CCDC149: variants seen among roughly 807,000 people sequenced by gnomAD.
CCDC149 encodes the protein coiled-coil domain-containing protein 149.
A neutral mutation model predicts 59.9 loss-of-function variants in CCDC149; 45 were observed. That is an observed-to-expected ratio of 0.75 (90% CI 0.59 to 0.96). The LOEUF (loss-of-function observed/expected upper bound fraction) is 0.96, where lower values mean the gene tolerates loss of function less well. Ranked by LOEUF, CCDC149 falls within the 40% of genes least tolerant of loss-of-function variation. The probability of loss-of-function intolerance (pLI) is 0.00; values close to 1 mark genes in which losing one functional copy is unlikely to be tolerated. For synonymous variants in CCDC149, 245 were observed against 260.6 expected (o/e 0.94, Z 0.58); for missense variants, 584 against 664.7 (o/e 0.88, Z 1.33).
chr4:24,818,560 C>T (rs1715160726), intron 12 of CCDC149, among the ~76,000 whole-genome samples: 11 of 152,208 alleles, frequency 7.2e-5, no homozygotes. Flanking sequence ...CTAACGGTCT[C>T]TCATGAGGCG....
At chr4:24,849,157 G>A (rs755246700) in intron 4 of CCDC149, among the ~76,000 whole-genome samples, 2 of 151,918 alleles carry the variant, frequency 1.3e-5, no homozygotes, top group African/African-American at 2.4e-5. Flanking sequence ...CAACCTCTGC[G>A]GCAGACCAAG....
At chr4:24,967,288 G>C (rs1431495510) in intron 1 of CCDC149, among the ~76,000 whole-genome samples, 1 of 152,172 alleles carries the variant, frequency 6.6e-6, no homozygotes. Flanking sequence ...GGTATACAGA[G>C]ATAACTGAGA....
At chr4:24,875,264 A>G (rs1247998375) in intron 2 of CCDC149, among the ~76,000 whole-genome samples, 1 of 151,534 alleles carries the variant, frequency 6.6e-6, no homozygotes, top group Non-Finnish European at 1.5e-5. Flanking sequence ...TGGGAGGCGG[A>G]GCTTGCAGTG....
intron 9 of CCDC149, among the ~76,000 whole-genome samples, chr4:24,826,149 C>T (rs549524509): frequency 8.6e-5 from 13 of 151,644 alleles, no homozygotes; most frequent in Admixed American, 4.6e-4. Context: ...TTAGTAGAGA[C>T]GGGGTTTCAC....
intron 12 of CCDC149, among the ~76,000 whole-genome samples, chr4:24,814,667 T>C (rs1714897973): frequency 6.6e-6 from 1 of 152,204 alleles, no homozygotes. Flanking sequence ...CACTGCAGGC[T>C]TGAAGCACAA....
chr4:24,878,234 AAAAAG>A (rs1719602667), intron 1 of CCDC149, among the ~76,000 whole-genome samples: 1 of 133,598 alleles, frequency 7.5e-6, no homozygotes, highest in South Asian at 2.4e-4. Context: ...AAAAAAAAAA[AAAAAG>A]AAAGTAATTG....
intron 4 of CCDC149, among the ~76,000 whole-genome samples, chr4:24,845,874 G>A (rs1363808516): frequency 6.6e-6 from 1 of 152,218 alleles, no homozygotes; most frequent in Non-Finnish European, 1.5e-5. Flanking sequence ...TTCAGCACAT[G>A]TTGCTCCCAG....
At chr4:24,847,090 C>G (rs1717335641) in intron 4 of CCDC149, among the ~76,000 whole-genome samples, 1 of 152,176 alleles carries the variant, frequency 6.6e-6, no homozygotes, top group East Asian at 1.9e-4. Flanking sequence ...ATCAGGAGGG[C>G]TGACTTTTGG....
intron 12 of CCDC149, among the ~76,000 whole-genome samples, chr4:24,814,821 C>T (rs1365286997): frequency 4.6e-5 from 7 of 152,198 alleles, no homozygotes; most frequent in Non-Finnish European, 8.8e-5. Flanking sequence ...CAACTCCTCT[C>T]CTTATTCCCT....
At chr4:24,937,947 G>A (rs1181780910) in intron 1 of CCDC149, among the ~76,000 whole-genome samples, 3 of 152,106 alleles carry the variant, frequency 2.0e-5, no homozygotes, top group East Asian at 3.8e-4. Context: ...GTTGGTGGTG[G>A]GCTGGGGGTG....
At chr4:24,973,994 G>C (rs1473380748) in intron 1 of CCDC149, among the ~76,000 whole-genome samples, 1 of 152,258 alleles carries the variant, frequency 6.6e-6, no homozygotes, top group Non-Finnish European at 1.5e-5. Flanking sequence ...TTTCGCAAGA[G>C]TCACGGTCAG....
chr4:24,846,195 T>G (rs911405962), intron 4 of CCDC149, among the ~76,000 whole-genome samples: 4 of 152,196 alleles, frequency 2.6e-5, no homozygotes, highest in African/African-American at 9.7e-5. Context: ...ACTGCTGAAC[T>G]AGACTGGCCG....
At chr4:24,964,212 G>T (rs1412636001) in intron 1 of CCDC149, among the ~76,000 whole-genome samples, 2 of 111,460 alleles carry the variant, frequency 1.8e-5, no homozygotes, top group Non-Finnish European at 1.8e-5. Context: ...AAAAAAAAAA[G>T]AGCCAAATGG....
intron 1 of CCDC149, among the ~76,000 whole-genome samples, chr4:24,969,929 T>C (rs142737615): frequency 5.7e-4 from 87 of 152,314 alleles, no homozygotes; most frequent in African/African-American, 1.6e-3. Context: ...TGACTGTTCA[T>C]AGGGGAAAGG....
chr4:24,892,817 G>C (rs1720605673), intron 1 of CCDC149, among the ~76,000 whole-genome samples: 1 of 152,192 alleles, frequency 6.6e-6, no homozygotes, highest in African/African-American at 2.4e-5. Context: ...CAGAATACCA[G>C]AGACAGGGCA....
At chr4:24,898,915 G>C (rs1720998071) in intron 1 of CCDC149, among the ~76,000 whole-genome samples, 1 of 152,204 alleles carries the variant, frequency 6.6e-6, no homozygotes, top group Non-Finnish European at 1.5e-5. Flanking sequence ...GTACTATGAA[G>C]GGTAGGGGAG....
chr4:24,975,568 GAGGGGAAGAGAGGAGAGGGA>G (rs1162346667), intron 1 of CCDC149, among the ~76,000 whole-genome samples: 2 of 136,134 alleles, frequency 1.5e-5, no homozygotes, highest in African/African-American at 6.3e-5. Context: ...GAGGAGAGGG[GAGGGGAAGAGAGGAGAGGGA>G]AGGGGAGGAG....
intron 1 of CCDC149, among the ~76,000 whole-genome samples, chr4:24,888,211 A>AGTG (rs1720310976): frequency 1.3e-5 from 2 of 152,188 alleles, no homozygotes; most frequent in African/African-American, 4.8e-5. Flanking sequence ...CCTGGCCCAC[A>AGTG]GTGTGTGCTG....
intron 9 of CCDC149, chr4:24,827,103 A>T (rs1715799608): frequency 6.6e-6 from 1 of 152,214 alleles, no homozygotes; most frequent in South Asian, 2.1e-4. Context: ...GTGGTTTTAG[A>T]TAGTAATGAC....
Sources: allele counts gnomAD v4.1 joint callset (sites outside exome capture counted in the v4.1 genomes callset), GRCh38; gene constraint gnomAD v4.1.1; transcripts MANE v1.5; gene names NCBI Gene and HGNC (gene_info 2026-07-23, HGNC 2026-07-21).